The following KRAS variants were observed in gnomAD, a reference collection of about 807,000 sequenced individuals.
The protein encoded by KRAS is GTPase KRas.
In KRAS, 1 loss-of-function variant was observed where a neutral mutation model predicts 21.0. That is an observed-to-expected ratio of 0.05 (90% CI 0.02 to 0.23). The LOEUF is 0.23. KRAS is among the 10% of genes least tolerant of loss of function. The pLI, the probability that KRAS is intolerant of heterozygous loss-of-function variation, is 1.00. For synonymous variants in KRAS, 67 were observed against 72.5 expected (o/e 0.92, Z 0.39); for missense variants, 107 against 221.8 (o/e 0.48, Z 3.29).
chr12:25,233,708 C>G, intron 2 of KRAS: 1 of 210,894 alleles, frequency 4.7e-6, no homozygotes, highest in East Asian at 7.2e-5. Flanking sequence ...GCTTTAAACT[C>G]CGTGTTGGTA....
At chr12:25,244,655 TAAC>T (rs921794098) in intron 2 of KRAS, among the ~76,000 whole-genome samples, 3 of 152,138 alleles carry the variant, frequency 2.0e-5, no homozygotes, top group East Asian at 1.9e-4. Flanking sequence ...AAAAACATGA[TAAC>T]AATTTAAATT....
intron 2 of KRAS, among the ~76,000 whole-genome samples, chr12:25,242,933 TTAGTG>T (rs1025339470): frequency 3.3e-5 from 5 of 152,300 alleles, no homozygotes; most frequent in Admixed American, 3.3e-4. Context: ...TTACTATCTC[TTAGTG>T]TAAATTTTGA....
intron 2 of KRAS, among the ~76,000 whole-genome samples, chr12:25,228,952 A>G (rs1041396617): frequency 6.6e-6 from 1 of 152,042 alleles, no homozygotes; most frequent in African/African-American, 2.4e-5. Context: ...CCAGCTACTC[A>G]GGAGGCTGAG....
intron 4 of KRAS, among the ~76,000 whole-genome samples, chr12:25,213,826 G>T (rs1327820491): frequency 6.6e-6 from 1 of 152,178 alleles, no homozygotes; most frequent in Non-Finnish European, 1.5e-5. Context: ...GATACCTAGT[G>T]AAGTATTTTC....
intron 4 of KRAS, among the ~76,000 whole-genome samples, chr12:25,213,591 G>A (rs1365805435): frequency 1.3e-5 from 2 of 152,166 alleles, no homozygotes; most frequent in South Asian, 2.1e-4. Flanking sequence ...GAGTTTAGTA[G>A]ATTAGTACAC....
rs1468160028 is a variant in KRAS, at chr12:25,233,927, C to T, written c.112-6515G>A. 3.1e-5 allele frequency: 6 copies of T among 192,770 alleles called. No homozygotes were observed. In the East Asian group the frequency reaches 5.0e-4, roughly 16 times the overall value. 11.9% of individuals were successfully genotyped at this position (192,770 alleles called of 1,614,324 possible). ...ATTTTTCAATTATATAATACAAATC[C>T]TTCTCAAATATTCTGAAGATACTAC... On this transcript the variant is annotated intron_variant, in intron 2 of 4. Transcript: ENST00000311936.
intron 2 of KRAS, among the ~76,000 whole-genome samples, chr12:25,232,480 T>C (rs1951486557): frequency 6.6e-6 from 1 of 152,220 alleles, no homozygotes; most frequent in African/African-American, 2.4e-5. Context: ...GAGAAAGTAC[T>C]GGTTATGAAA....
At chr12:25,219,412 T>C (rs1440715117) in intron 4 of KRAS, among the ~76,000 whole-genome samples, 2 of 152,222 alleles carry the variant, frequency 1.3e-5, no homozygotes, top group African/African-American at 4.8e-5. Flanking sequence ...TGTGAGGCTA[T>C]GGAAACAAAG....
At chr12:25,250,361 C>T (rs1435137774) in intron 1 of KRAS, among the ~76,000 whole-genome samples, 4 of 151,088 alleles carry the variant, frequency 2.6e-5, no homozygotes, top group East Asian at 2.0e-4. Context: ...GAGGGGAGGC[C>T]GGGGCGCCGC....
At chr12:25,250,001 G>C (rs1951743885) in intron 1 of KRAS, among the ~76,000 whole-genome samples, 1 of 152,064 alleles carries the variant, frequency 6.6e-6, no homozygotes, top group African/African-American at 2.4e-5. Flanking sequence ...TTGGCCACCT[G>C]TTCTTCCACC....
At chr12:25,224,564 A>G (rs1185938850) in intron 4 of KRAS, among the ~76,000 whole-genome samples, 2 of 152,188 alleles carry the variant, frequency 1.3e-5, no homozygotes, top group Non-Finnish European at 2.9e-5. Context: ...GAAAAATTAA[A>G]AAGTTTAAAA....
At chr12:25,237,015 TAAACA>T (rs1157140457) in intron 2 of KRAS, among the ~76,000 whole-genome samples, 3 of 151,996 alleles carry the variant, frequency 2.0e-5, no homozygotes, top group Non-Finnish European at 2.9e-5. Flanking sequence ...AATGAACAGA[TAAACA>T]AAATAAGGTA....
intron 4 of KRAS, among the ~76,000 whole-genome samples, chr12:25,221,735 CG>C (rs776485408): frequency 1.3e-5 from 2 of 152,056 alleles, no homozygotes; most frequent in Non-Finnish European, 2.9e-5. Flanking sequence ...TTCCTTTAAC[CG>C]GAATATAATT....
intron 2 of KRAS, among the ~76,000 whole-genome samples, chr12:25,238,488 T>C (rs1490835286): frequency 6.6e-6 from 1 of 152,234 alleles, no homozygotes; most frequent in African/African-American, 2.4e-5. Flanking sequence ...ATGTAATTTA[T>C]TGAGGCTTGA....
At chr12:25,226,508 C>T (rs761165051) in intron 3 of KRAS, among the ~76,000 whole-genome samples, 4 of 152,122 alleles carry the variant, frequency 2.6e-5, no homozygotes, top group Non-Finnish European at 5.9e-5. Flanking sequence ...ACTACCACTA[C>T]CACCCACCCA....
chr12:25,219,889 A>G (rs918828636), intron 4 of KRAS, among the ~76,000 whole-genome samples: 15 of 151,862 alleles, frequency 9.9e-5, no homozygotes, highest in Non-Finnish European at 1.0e-4. Flanking sequence ...GTTGTTTTGC[A>G]AAGCATTCTT....
chr12:25,206,386 C>CT lies in KRAS; in HGVS notation c.*3408dup, dbSNP rs1246094838. Reference sequence around the variant, plus strand: ...TAATGCCTAAGTCTATGTAATTTAGCTTTTTTTAAAAAAACTTCAACAAGG... The same window carrying CT: ...TAATGCCTAAGTCTATGTAATTTAGCTTTTTTTTAAAAAAACTTCAACAAGG... On this transcript the variant is annotated 3_prime_UTR_variant, in exon 5 of 5. Coordinates refer to ENST00000311936, the MANE Select transcript of KRAS (RefSeq NM_004985.5). 26 of 205,762 alleles carry CT rather than the reference C, an allele frequency of 1.3e-4. No homozygotes were observed. Among genetic ancestry groups the CT allele is most frequent in the East Asian group, 9.2e-4 (12 of 13,012 alleles). 12.7% of individuals were successfully genotyped at this position (205,762 alleles called of 1,614,324 possible). A position where few individuals can be genotyped will look rare whatever the true frequency, so the allele number is the denominator to read the frequency against.
intron 2 of KRAS, chr12:25,234,943 A>G (rs974886951): frequency 3.7e-6 from 1 of 269,662 alleles, no homozygotes; most frequent in Non-Finnish European, 7.0e-6. Flanking sequence ...AAAGAAACTA[A>G]TAACTTTTAC....
At chr12:25,213,877 G>C (rs1460721932) in intron 4 of KRAS, among the ~76,000 whole-genome samples, 1 of 152,184 alleles carries the variant, frequency 6.6e-6, no homozygotes, top group African/African-American at 2.4e-5. Context: ...AAACGAAAAT[G>C]AGAATTCCAC....
Sources: gnomAD v4.1 joint callset for allele counts (sites outside exome capture counted in the v4.1 genomes callset) on GRCh38, gnomAD v4.1.1 for gene constraint, MANE v1.5 for transcripts, NCBI Gene and HGNC (gene_info 2026-07-23, HGNC 2026-07-21) for gene names.